The following CCL1 variants were observed in gnomAD, a reference collection of about 807,000 sequenced individuals.
The protein encoded by CCL1 is C-C motif chemokine 1.
A neutral mutation model predicts 7.5 loss-of-function variants in CCL1; 9 were observed. That is an observed-to-expected ratio of 1.20 (90% confidence interval 0.72 to 2.09). The LOEUF (loss-of-function observed/expected upper bound fraction) is 2.09, where lower values mean the gene tolerates loss of function less well. Ranked by LOEUF, CCL1 falls within the 30% of genes most tolerant of loss-of-function variation. CCL1 has a pLI of 0.00. For missense variants in CCL1, 110 were observed against 113.7 expected (o/e 0.97, Z 0.15); for synonymous variants, 48 against 44.7 (o/e 1.07, Z -0.30).
rs963253784 is a variant in CCL1, at chr17:34,362,971, G to T, written c.76+115C>A. On this transcript the variant is annotated intron_variant, in intron 1 of 2. Coordinates refer to ENST00000225842, the MANE Select transcript of CCL1 (RefSeq NM_002981.2). ...GTTCACCATTCCTCCTCTTTAGGTA[G>T]GAAGAGGGGAGATAGAGTTGGTGAG... is the stretch of plus-strand genomic sequence containing the variant. The T allele has an allele frequency of 7.8e-6, 7 of 892,668 alleles. No homozygotes were observed. The African/African-American group carries it at 1.1e-4, about 15-fold the overall frequency. The allele number at this position is 892,668 out of a possible 1,614,324, so 55.3% of individuals were successfully genotyped here.
rs1567664848 is a variant in CCL1 at position 34,363,061 on chromosome 17, G to A, written c.76+25C>T. On this transcript the variant is annotated intron_variant, in intron 1 of 2. Coordinates refer to ENST00000225842, the MANE Select transcript of CCL1 (RefSeq NM_002981.2). ...ACGTTTCTGCCCTCCCCAGAGAGAA[G>A]CAAAATGATGCCTGCCACACTCACT... 3 of 1,608,456 alleles carry A rather than the reference G, an allele frequency of 1.9e-6. No individual in the cohort carries two copies. The Admixed American group carries it at 5.0e-5, about 27-fold the overall frequency.
chr17:34,361,023 G>A (rs1366486090), intron 2 of CCL1, among the ~76,000 whole-genome samples: 3 of 151,980 alleles, frequency 2.0e-5, no homozygotes, highest in African/African-American at 7.3e-5. Flanking sequence ...GGCCTTACTT[G>A]TTGCGTTGGA....
Position 34,360,593 on chromosome 17 carries a change from T to C in CCL1, c.257A>G (p.Lys86Arg). The change falls in exon 3 of 3, where the codon AAA becomes AGA. Residue 86 changes from lysine to arginine, a missense_variant. Coordinates refer to ENST00000225842, the MANE Select transcript of CCL1 (RefSeq NM_002981.2). ...DTVGWVQRHR[K>R]MLRHCPSKRK ...TTTTGACGGGCAGTGCCTCAGCATT[T>C]TTCTGTGCCTCTGAACCCATCCAAC... 2 of 1,613,802 alleles carry C rather than the reference T, an allele frequency of 1.2e-6. No individual in the cohort carries two copies. Among genetic ancestry groups the C allele is most frequent in the Non-Finnish European group, 1.7e-6 (2 of 1,179,960 alleles).
At chr17:34,362,083 A>C (rs1376343488) in intron 1 of CCL1, among the ~76,000 whole-genome samples, 187 bp from the exon 2 acceptor site, 4 of 152,196 alleles carry the variant, frequency 2.6e-5, no homozygotes, top group Non-Finnish European at 5.9e-5. Flanking sequence ...AAGAGTCAGA[A>C]GATTGGGGTT....
chr17:34,361,588 A>AGATG (rs1218869140), intron 2 of CCL1, among the ~76,000 whole-genome samples, 197 bp downstream of exon 2: 2 of 152,250 alleles, frequency 1.3e-5, no homozygotes, highest in Non-Finnish European at 2.9e-5. Context: ...GCAGGAGCAC[A>AGATG]GATGCATCCT....
chr17:34,362,949 C>T (rs1910544827), intron 1 of CCL1, 137 bp downstream of exon 1: 1 of 766,238 alleles, frequency 1.3e-6, no homozygotes, highest in South Asian at 1.7e-5. Flanking sequence ...TGTCCAAGTT[C>T]ACCATTCCTC....
intron 1 of CCL1, among the ~76,000 whole-genome samples, chr17:34,362,304 C>T (rs374064467): frequency 6.6e-6 from 1 of 152,216 alleles, no homozygotes; most frequent in Admixed American, 6.5e-5. Flanking sequence ...CCTGGTTAGT[C>T]TGATGCAGGA....
At position 34,360,454 on chromosome 17, in the gene CCL1, C is replaced by A. The variant is rs555881355; in HGVS notation, c.*105G>T. 132 of 863,990 alleles carry A rather than the reference C, an allele frequency of 1.5e-4. No homozygotes were observed. Among genetic ancestry groups the A allele is most frequent in the Non-Finnish European group, 2.5e-4 (124 of 504,110 alleles). The allele number at this position is 863,990 out of a possible 1,614,324, so 53.5% of individuals were successfully genotyped here. On this transcript the variant is annotated 3_prime_UTR_variant, in exon 3 of 3. Transcript: ENST00000225842. ...AGCTTATCAAGACCAAGCAGATCCTCTGTGACCTAGCAAAAGCAGGGCAGA... is the reference window on the plus strand; with the variant it reads ...AGCTTATCAAGACCAAGCAGATCCTATGTGACCTAGCAAAAGCAGGGCAGA...
At chr17:34,360,833 G>T (rs950313196) in intron 2 of CCL1, among the ~76,000 whole-genome samples, 172 bp from the exon 3 acceptor site, 5 of 152,028 alleles carry the variant, frequency 3.3e-5, no homozygotes, top group Non-Finnish European at 7.4e-5. Context: ...GCACGCTGGG[G>T]AACAGCCAAA....
At chr17:34,360,794 A>C in intron 2 of CCL1, 133 bp from the exon 3 acceptor site, 4 of 677,844 alleles carry the variant, frequency 5.9e-6, no homozygotes, top group East Asian at 5.2e-5. Context: ...CCCTCTGTAA[A>C]TGAAGTTGCT....
Position 34,360,436 on chromosome 17 carries a change from C to G in CCL1, c.*123G>C. ...TTTAAAGTGCAACAACATAGCTTATCAAGACCAAGCAGATCCTCTGTGACC... is the reference window on the plus strand; with the variant it reads ...TTTAAAGTGCAACAACATAGCTTATGAAGACCAAGCAGATCCTCTGTGACC... On this transcript the variant is annotated 3_prime_UTR_variant, in exon 3 of 3. Transcript: ENST00000225842. The G allele has an allele frequency of 4.0e-6, 3 of 756,018 alleles. No homozygotes were observed. The South Asian group carries it at 4.5e-5, about 11-fold the overall frequency. 46.8% of individuals were successfully genotyped at this position (756,018 alleles called of 1,614,324 possible).
At chr17:34,361,052 T>C (rs1487220430) in intron 2 of CCL1, among the ~76,000 whole-genome samples, 1 of 152,048 alleles carries the variant, frequency 6.6e-6, no homozygotes, top group Non-Finnish European at 1.5e-5. Flanking sequence ...TTTGTGTGTG[T>C]GTGTGTGCGC....
intron 2 of CCL1, 120 bp from the exon 3 acceptor site, chr17:34,360,781 C>T (rs1186892477): frequency 4.1e-6 from 3 of 728,632 alleles, no homozygotes; most frequent in Non-Finnish European, 7.3e-6. Flanking sequence ...AGGCCTTGGG[C>T]TCCCCTCTGT....
chr17:34,360,487 G>C lies in CCL1; in HGVS notation c.*72C>G. 1 of 1,126,236 alleles carries C rather than the reference G, an allele frequency of 8.9e-7. No individual in the cohort carries two copies. The highest frequency in any genetic ancestry group is 1.4e-6 in the Non-Finnish European group (1 of 735,014). 69.8% of individuals were successfully genotyped at this position (1,126,236 alleles called of 1,614,324 possible). ...TAGCAAAAGCAGGGCAGAAGGAATGGTGTAGGGCTGGTAGTTTCGGGGACA... is the reference window on the plus strand; with the variant it reads ...TAGCAAAAGCAGGGCAGAAGGAATGCTGTAGGGCTGGTAGTTTCGGGGACA... On this transcript the variant is annotated 3_prime_UTR_variant, in exon 3 of 3. Coordinates refer to ENST00000225842, the MANE Select transcript of CCL1 (RefSeq NM_002981.2).
chr17:34,361,043 T>TTGTG (rs138529852), intron 2 of CCL1, among the ~76,000 whole-genome samples: 3,628 of 151,152 alleles, frequency 0.024, 50 homozygotes, highest in South Asian at 0.047. Flanking sequence ...ACTCATGTGT[T>TTGTG]TGTGTGTGTG....
Position 34,361,807 on chromosome 17 carries a change from T to C in CCL1, c.166A>G (p.Ile56Val), listed in dbSNP as rs138527286. The C allele has an allele frequency of 7.5e-4, 1,209 of 1,612,432 alleles. 14 individuals are homozygous for C. In the African/African-American group the frequency reaches 0.015, roughly 20 times the overall value. ...AILCYRNTSS[I>V]CSNEGLIFKL... is the part of the protein sequence containing the mutation. ...TACATTAAGCCCTCATTGGAGCAGA[T>C]GGAGCTGGTATTTCTGTAACACAGG... The change falls in exon 2 of 3, where the codon ATC becomes GTC. Residue 56 changes from isoleucine to valine, a missense_variant. Coordinates refer to ENST00000225842, the MANE Select transcript of CCL1 (RefSeq NM_002981.2).
chr17:34,362,023 G>A (rs3138032), intron 1 of CCL1, 127 bp from the exon 2 acceptor site: 35,433 of 593,856 alleles, frequency 0.06, 1,364 homozygotes, highest in Non-Finnish European at 0.08. Context: ...ACATCCAGAC[G>A]GTGCCGGCAT....
chr17:34,361,226 A>T (rs57204310), intron 2 of CCL1, among the ~76,000 whole-genome samples: 3,305 of 152,246 alleles, frequency 0.022, 133 homozygotes, highest in African/African-American at 0.076. Flanking sequence ...GATAACAAAA[A>T]TATGTGCCCC....
In CCL1 at chr17:34,363,188, T is replaced by G; in HGVS notation, c.-27A>C. 1 of 1,610,988 alleles carries G rather than the reference T, an allele frequency of 6.2e-7. No individual in the cohort carries two copies. Among genetic ancestry groups the G allele is most frequent in the Non-Finnish European group, 8.5e-7 (1 of 1,177,944 alleles). ...TCTTCTGGTCTGGCTTGGGCCTTCC[T>G]GGAGCAGCTTTGATGAGCCTGGTGA... On this transcript the variant is annotated 5_prime_UTR_variant, in exon 1 of 3. Transcript: ENST00000225842.
Sources: allele counts gnomAD v4.1 joint callset (sites outside exome capture counted in the v4.1 genomes callset), GRCh38; gene constraint gnomAD v4.1.1; transcripts MANE v1.5; gene names NCBI Gene and HGNC (gene_info 2026-07-23, HGNC 2026-07-21).